ST6GALNAC1: variants seen among roughly 807,000 people sequenced by gnomAD.
The protein encoded by ST6GALNAC1 is alpha-N-acetylgalactosaminide alpha-2,6-sialyltransferase 1.
In ST6GALNAC1, 45 loss-of-function variants were observed where a neutral mutation model predicts 56.8. That is an observed-to-expected ratio of 0.79 (90% CI 0.62 to 1.02). The LOEUF (loss-of-function observed/expected upper bound fraction) is 1.02. Among genes scored for constraint, ST6GALNAC1 ranks in the 50% least tolerant of loss-of-function variants. The probability of loss-of-function intolerance (pLI) is 0.00; values close to 1 mark genes in which losing one functional copy is unlikely to be tolerated. For synonymous variants in ST6GALNAC1, 295 were observed against 297.8 expected (o/e 0.99, Z 0.10); for missense variants, 743 against 754.8 (o/e 0.98, Z 0.18).
chr17:76,643,737 C>T lies in ST6GALNAC1; in HGVS notation c.-99G>A, dbSNP rs531184669. 2.4e-5 allele frequency: 30 copies of T among 1,265,058 alleles called. No homozygotes were observed. The highest frequency in any genetic ancestry group is 2.7e-4 in the Middle Eastern group (1 of 3,638). The allele number at this position is 1,265,058 out of a possible 1,614,324, so 78.4% of individuals were successfully genotyped here. On this transcript the variant is annotated 5_prime_UTR_variant, in exon 1 of 9. Coordinates refer to ENST00000156626, the MANE Select transcript of ST6GALNAC1 (RefSeq NM_018414.5). ...GCTCAGGTTTCCTGGCCAGGAAGTG[C>T]ACACCCTTTGTCTTAACAATGAGCC...
rs756157498 is a variant in ST6GALNAC1 at position 76,627,602 on chromosome 17, A to G, written c.832-19T>C. ...GGCAAGTCTATATACAGGAGGACGA[A>G]GTCAGGAAGGGAGAGACCCAGAAAG... On this transcript the variant is annotated intron_variant, in intron 2 of 8. Transcript: ENST00000156626. This position sits in a 1 kb window ranked among gnomAD's most constrained non-coding sequence, Gnocchi z 4.4. The G allele has an allele frequency of 1.6e-4, 258 of 1,611,888 alleles. 3 individuals carry two copies. In the East Asian group the frequency reaches 5.6e-3, roughly 35 times the overall value.
intron 1 of ST6GALNAC1, 130 bp from the exon 2 acceptor site, chr17:76,629,841 G>T: frequency 2.9e-6 from 2 of 693,882 alleles, no homozygotes; most frequent in East Asian, 2.7e-5. Context: ...GGAGTGCAGT[G>T]GTACGATTTC....
chr17:76,635,183 T>C (rs1320769361), intron 1 of ST6GALNAC1, among the ~76,000 whole-genome samples: 2 of 152,168 alleles, frequency 1.3e-5, no homozygotes, highest in Non-Finnish European at 2.9e-5. Context: ...GGGATGTTAT[T>C]ATGTTCTGGG....
At chr17:76,628,928 G>T in intron 2 of ST6GALNAC1, 84 bp downstream of exon 2, 1 of 1,236,874 alleles carries the variant, frequency 8.1e-7, no homozygotes, top group Non-Finnish European at 1.1e-6. Context: ...AGCCCAGGAG[G>T]TGAGGAGAGG....
At chr17:76,621,499 T>TG (rs1463246468), downstream of ST6GALNAC1, among the ~76,000 whole-genome samples, 2 of 151,624 alleles carry the variant, frequency 1.3e-5, no homozygotes, top group African/African-American at 4.8e-5. Context: ...ATTTTTGAGA[T>TG]GGAGTTTCGC....
In ST6GALNAC1 at chr17:76,632,898, G is replaced by T. The variant is rs553526607; in HGVS notation, c.132-3187C>A. 1.3e-3 allele frequency among the ~76,000 whole-genome samples: 193 copies of T among 152,280 alleles called. 2 individuals are homozygous for T. The highest frequency in any genetic ancestry group is 4.6e-4 in the Non-Finnish European group (31 of 68,028). ...TACTAGGGAAGTAAAAATATAAAAT[G>T]TTGCACTTTAATAAATGAATTTATT... On this transcript the variant is annotated intron_variant, in intron 1 of 8. Transcript: ENST00000156626.
intron 1 of ST6GALNAC1, chr17:76,637,537 T>G: frequency 2.5e-6 from 1 of 395,040 alleles, no homozygotes; most frequent in East Asian, 3.6e-5. Flanking sequence ...TACAATTATG[T>G]AAGCTTTTGG....
chr17:76,638,823 T>C (rs2076009974), intron 1 of ST6GALNAC1, among the ~76,000 whole-genome samples: 1 of 152,178 alleles, frequency 6.6e-6, no homozygotes, highest in Non-Finnish European at 1.5e-5. Flanking sequence ...TCAGGTGATC[T>C]GCCCACCTCG....
chr17:76,638,803 A>G (rs1215800526), intron 1 of ST6GALNAC1, among the ~76,000 whole-genome samples: 1 of 151,940 alleles, frequency 6.6e-6, no homozygotes, highest in Non-Finnish European at 1.5e-5. Context: ...CTGGTCTCGA[A>G]CTCCTGACCT....
intron 1 of ST6GALNAC1, among the ~76,000 whole-genome samples, chr17:76,633,032 C>T (rs1177325647): frequency 1.3e-4 from 20 of 151,638 alleles, no homozygotes; most frequent in Admixed American, 9.9e-4. Flanking sequence ...ATGGCAAAAC[C>T]CCGTCTCTAC....
At chr17:76,638,915 C>T (rs1209931240) in intron 1 of ST6GALNAC1, among the ~76,000 whole-genome samples, 1 of 152,154 alleles carries the variant, frequency 6.6e-6, no homozygotes, top group African/African-American at 2.4e-5. Flanking sequence ...CTACACTCCT[C>T]CCACCATCCT....
In ST6GALNAC1 at chr17:76,625,453, C is replaced by A; in HGVS notation, c.1680G>T (p.Arg560=). ...SDHYYDTSWK[R]LIFYINHDFK... is the part of the protein sequence containing the mutation. ...AGTCATGGTTTATGTAAAAGATCAG[C>A]CGCTTCCATGATGTATCATAGTAGT... is the stretch of plus-strand genomic sequence containing the variant. The change falls in exon 9 of 9, where the codon CGG becomes CGT. Residue 560 remains arginine (R), a synonymous_variant. Coordinates refer to ENST00000156626, the MANE Select transcript of ST6GALNAC1 (RefSeq NM_018414.5). 6.2e-7 allele frequency: 1 copy of A among 1,614,168 alleles called. No individual in the cohort carries two copies. Among genetic ancestry groups the A allele is most frequent in the Non-Finnish European group, 8.5e-7 (1 of 1,180,034 alleles).
chr17:76,627,492 C>A lies in ST6GALNAC1; in HGVS notation c.923G>T (p.Arg308Ile), dbSNP rs2075820814. Reference sequence around the variant, plus strand: ...GTCCCACTCACTCTGGTTGAAGTGTCTGGAGTCCAGGAAGAGAGTGAGGTT... The same window carrying A: ...GTCCCACTCACTCTGGTTGAAGTGTATGGAGTCCAGGAAGAGAGTGAGGTT... ...LPNLTLFLDS[R>I]HFNQSEWDRL... The change falls in exon 3 of 9, where the codon AGA becomes ATA. Residue 308 changes from arginine to isoleucine, a missense_variant. Coordinates refer to ENST00000156626, the MANE Select transcript of ST6GALNAC1 (RefSeq NM_018414.5). The surrounding 1 kb of genome is among the most constrained non-coding windows in gnomAD (Gnocchi z 4.4). 6.2e-7 allele frequency: 1 copy of A among 1,614,202 alleles called. No homozygotes were observed. The highest frequency in any genetic ancestry group is 8.5e-7 in the Non-Finnish European group (1 of 1,180,026).
intron 2 of ST6GALNAC1, among the ~76,000 whole-genome samples, chr17:76,628,660 A>C (rs186058045): frequency 3.0e-3 from 461 of 151,970 alleles, no homozygotes; most frequent in Non-Finnish European, 5.1e-3. Flanking sequence ...CCGCGAGAGG[A>C]TGGGGATTCA....
At chr17:76,629,792 T>TG in intron 1 of ST6GALNAC1, 81 bp from the exon 2 acceptor site, 1 of 1,180,972 alleles carries the variant, frequency 8.5e-7, no homozygotes, top group Non-Finnish European at 1.2e-6. Context: ...TGTTTTTTTT[T>TG]TTTTTTTTGA....
Position 76,627,566 on chromosome 17 carries a change from C to T in ST6GALNAC1, c.849G>A (p.Val283=), listed in dbSNP as rs1325433798. ...ACAGCGACTTGGAGGCTTTGATCTT[C>T]ACAGAGTCAGGGCAAGTCTATATAC... The part of the protein sequence containing the change: ...GGLQTTCPDS[V]KIKASKSLWL... Residue 283 remains valine (V), a synonymous_variant, in exon 3 of 9, where the codon GTG becomes GTA. Coordinates refer to ENST00000156626, the MANE Select transcript of ST6GALNAC1 (RefSeq NM_018414.5). This position sits in a 1 kb window ranked among gnomAD's most constrained non-coding sequence, Gnocchi z 4.4. 6.2e-7 allele frequency: 1 copy of T among 1,614,108 alleles called. No homozygotes were observed. The highest frequency in any genetic ancestry group is 8.5e-7 in the Non-Finnish European group (1 of 1,180,002).
chr17:76,618,554 G>A, the ST6GALNAC1 span, among the ~76,000 whole-genome samples: 1 of 152,064 alleles, frequency 6.6e-6, no homozygotes, highest in Non-Finnish European at 1.5e-5. Flanking sequence ...GAGATGGGTG[G>A]ATCACTTGAG....
Position 76,625,188 on chromosome 17 carries a change from C to T in ST6GALNAC1, c.*142G>A. ...ATTTGCCATCTTGAGAGAGTCTTGT[C>T]CATGGTTCAAGTGTTCCCTTGGAAC... On this transcript the variant is annotated 3_prime_UTR_variant, in exon 9 of 9. Coordinates refer to ENST00000156626, the MANE Select transcript of ST6GALNAC1 (RefSeq NM_018414.5). The T allele has an allele frequency of 1.2e-6, 1 of 827,668 alleles. No individual in the cohort carries two copies. Among genetic ancestry groups the T allele is most frequent in the Non-Finnish European group, 1.9e-6 (1 of 540,534 alleles). The allele number at this position is 827,668 out of a possible 1,614,324, so 51.3% of individuals were successfully genotyped here. A position where few individuals can be genotyped will look rare whatever the true frequency, so the allele number is the denominator to read the frequency against.
Position 76,627,441 on chromosome 17 carries a change from A to G in ST6GALNAC1, c.974T>C (p.Phe325Ser). The change falls in exon 3 of 9, where the codon TTT becomes TCT. Residue 325 changes from phenylalanine to serine, a missense_variant. By Grantham distance (155) the Phe-to-Ser change is radical. Transcript: ENST00000156626. The surrounding 1 kb of genome is among the most constrained non-coding windows in gnomAD (Gnocchi z 4.4). ...WDRLEHFAPP[F>S]GFMELNYSLV... ...GGAGTAGTTGAGCTCCATGAAGCCA[A>G]AGGGTGGTGCAAAGTGTTCCAGGCG... 1.2e-6 allele frequency: 2 copies of G among 1,614,188 alleles called. No homozygotes were observed. The highest frequency in any genetic ancestry group is 1.7e-6 in the Non-Finnish European group (2 of 1,180,024).
Sources: allele counts gnomAD v4.1 joint callset (sites outside exome capture counted in the v4.1 genomes callset), GRCh38; gene constraint gnomAD v4.1.1; non-coding constraint Gnocchi (gnomAD v3.1); transcripts MANE v1.5; gene names NCBI Gene and HGNC (gene_info 2026-07-23, HGNC 2026-07-21).